The following ATAD2B variants were observed in gnomAD, a reference collection of about 807,000 sequenced individuals.
The protein encoded by ATAD2B is ATPase family AAA domain-containing protein 2B.
A neutral mutation model predicts 167.6 loss-of-function variants in ATAD2B; 40 were observed. The observed-to-expected ratio is 0.24, with a 90% CI of 0.19 to 0.31. The LOEUF (loss-of-function observed/expected upper bound fraction) is 0.31. Among genes scored for constraint, ATAD2B ranks in the 10% least tolerant of loss-of-function variants. The pLI is 1.00. For missense variants in ATAD2B, 1,242 were observed against 1,757.2 expected (o/e 0.71, Z 5.24); for synonymous variants, 579 against 596.5 (o/e 0.97, Z 0.43).
chr2:23,885,113 C>A (rs1698484709), intron 5 of ATAD2B, among the ~76,000 whole-genome samples: 1 of 152,096 alleles, frequency 6.6e-6, no homozygotes, highest in Admixed American at 6.6e-5. Flanking sequence ...CTCCCTCAAG[C>A]AAATTACAGC....
intron 8 of ATAD2B, chr2:23,873,026 G>A (rs1696246704): frequency 1.5e-6 from 1 of 649,314 alleles, no homozygotes. Flanking sequence ...GCAGCGGGCT[G>A]GGGAGGCCCT....
chr2:23,876,070 T>C (rs1359612586), intron 7 of ATAD2B, among the ~76,000 whole-genome samples, 166 bp from the exon 8 acceptor site: 1 of 152,270 alleles, frequency 6.6e-6, no homozygotes, highest in South Asian at 2.1e-4. Context: ...CTCGGCTCAC[T>C]GCAACCTCTC....
intron 13 of ATAD2B, among the ~76,000 whole-genome samples, chr2:23,840,311 T>C (rs1290614564): frequency 1.3e-5 from 2 of 152,210 alleles, no homozygotes; most frequent in East Asian, 3.8e-4. Flanking sequence ...AAACATTACA[T>C]TTTGCATTCC....
chr2:23,895,318 G>A (rs563562432), intron 2 of ATAD2B, among the ~76,000 whole-genome samples: 69 of 151,770 alleles, frequency 4.5e-4, no homozygotes, highest in South Asian at 4.4e-3. Context: ...AGTAAATGTC[G>A]GTAATTTACT....
Position 23,866,341 on chromosome 2 carries a change from G to C in ATAD2B, c.1189-1417C>G, listed in dbSNP as rs576294778. On this transcript the variant is annotated intron_variant, in intron 10 of 27. Coordinates refer to ENST00000238789, the MANE Select transcript of ATAD2B (RefSeq NM_017552.4). ...AATCGCTTGAACCCGGGAGGCGGAG[G>C]TTGCGGTAAGCTGAGATTGCGCCAT... Among the ~76,000 whole-genome samples, 15 of 152,268 alleles carry C rather than the reference G, an allele frequency of 9.9e-5. No homozygotes were observed. In the South Asian group the frequency reaches 3.1e-3, roughly 32 times the overall value.
chr2:23,713,390 T>C, the ATAD2B span, among the ~76,000 whole-genome samples: 3 of 130,198 alleles, frequency 2.3e-5, no homozygotes, highest in East Asian at 8.0e-4. Flanking sequence ...CTATAGCCCC[T>C]TTTTTATGGA....
the ATAD2B span, among the ~76,000 whole-genome samples, chr2:23,729,010 C>T: frequency 6.6e-6 from 1 of 152,046 alleles, no homozygotes; most frequent in Non-Finnish European, 1.5e-5. Context: ...ATGGCAGGAG[C>T]AGGAGGAAGA....
chr2:23,829,286 T>C (rs1415906107), intron 14 of ATAD2B, among the ~76,000 whole-genome samples: 1 of 152,238 alleles, frequency 6.6e-6, no homozygotes, highest in East Asian at 1.9e-4. Context: ...CCACTTTTAC[T>C]ATTTGAAAAT....
chr2:23,711,858 C>T, the ATAD2B span, among the ~76,000 whole-genome samples: 1 of 152,178 alleles, frequency 6.6e-6, no homozygotes, highest in South Asian at 2.1e-4. Context: ...GTACATGTCT[C>T]CTCTAATTGA....
chr2:23,909,728 T>C (rs2150521088), intron 1 of ATAD2B, among the ~76,000 whole-genome samples: 1 of 152,266 alleles, frequency 6.6e-6, no homozygotes, highest in South Asian at 2.1e-4. Flanking sequence ...TTTGAAATAT[T>C]TATTTCATCA....
chr2:23,921,144 T>G (rs1375092294), intron 1 of ATAD2B, among the ~76,000 whole-genome samples: 1 of 125,252 alleles, frequency 8.0e-6, no homozygotes, highest in Non-Finnish European at 1.6e-5. Context: ...AAGCGGAGGT[T>G]GCAGTAAGCT....
chr2:23,807,492 G>A (rs550136607), intron 18 of ATAD2B, among the ~76,000 whole-genome samples: 1 of 152,100 alleles, frequency 6.6e-6, no homozygotes, highest in Non-Finnish European at 1.5e-5. Flanking sequence ...TCAAGGTAGA[G>A]ATTTTAGTTT....
intron 8 of ATAD2B, chr2:23,872,184 T>C (rs1230468884): frequency 6.7e-6 from 2 of 300,402 alleles, no homozygotes; most frequent in Non-Finnish European, 1.3e-5. Flanking sequence ...CCTGTTTCTG[T>C]TTTTATTTTT....
At chr2:23,884,713 T>G (rs895363185) in intron 6 of ATAD2B, 52 bp downstream of exon 6, 1 of 1,073,412 alleles carries the variant, frequency 9.3e-7, no homozygotes, top group Admixed American at 2.9e-5. Context: ...ATATTTTATT[T>G]TTCTTCCCTC....
chr2:23,791,468 C>G (rs941826133), intron 19 of ATAD2B, among the ~76,000 whole-genome samples: 6 of 139,374 alleles, frequency 4.3e-5, no homozygotes, highest in African/African-American at 1.6e-4. Context: ...TGCAAAAGCA[C>G]TTTTTTTTTT....
intron 12 of ATAD2B, among the ~76,000 whole-genome samples, chr2:23,859,147 A>C (rs1693936292): frequency 6.6e-6 from 1 of 152,172 alleles, no homozygotes; most frequent in East Asian, 1.9e-4. Context: ...TTTTAGGATA[A>C]AGAATGTTAT....
At chr2:23,715,491 G>A in the ATAD2B span, among the ~76,000 whole-genome samples, 4 of 151,880 alleles carry the variant, frequency 2.6e-5, no homozygotes, top group East Asian at 1.9e-4. Flanking sequence ...GGAGAATGGC[G>A]TGAACCTGGG....
intron 19 of ATAD2B, among the ~76,000 whole-genome samples, chr2:23,793,274 T>C (rs1682099942): frequency 6.6e-6 from 1 of 152,198 alleles, no homozygotes. Context: ...ATTTCCAATA[T>C]ACTGAATTAT....
chr2:23,752,140 T>A, intron 27 of ATAD2B, 53 bp from the exon 28 acceptor site: 1 of 1,282,184 alleles, frequency 7.8e-7, no homozygotes, highest in Non-Finnish European at 1.1e-6. Flanking sequence ...ACAAAAGTGT[T>A]CCTCATTACG....
Sources: allele counts gnomAD v4.1 joint callset (sites outside exome capture counted in the v4.1 genomes callset), GRCh38; gene constraint gnomAD v4.1.1; transcripts MANE v1.5; gene names NCBI Gene and HGNC (gene_info 2026-07-23, HGNC 2026-07-21).